The following SARM1 variants were observed in gnomAD, a reference collection of about 807,000 sequenced individuals.
The protein encoded by SARM1 is NAD(+) hydrolase SARM1.
A neutral mutation model predicts 65.1 loss-of-function variants in SARM1; 60 were observed. The ratio of observed to expected loss-of-function variants is 0.92; its 90% CI spans 0.75 to 1.14. The LOEUF is 1.14. SARM1 is among the 50% of genes most tolerant of loss of function. The pLI is 0.00. For missense variants in SARM1, 913 were observed against 1,015.7 expected (o/e 0.90, Z 1.37); for synonymous variants, 417 against 465.4 (o/e 0.90, Z 1.34).
At chr17:28,389,897 G>A (rs782411036) in intron 7 of SARM1, among the ~76,000 whole-genome samples, 35 of 152,230 alleles carry the variant, frequency 2.3e-4, no homozygotes, top group Non-Finnish European at 4.7e-4. Flanking sequence ...CATACAAGTT[G>A]GTGTAAATGC....
At position 28,381,377 on chromosome 17, in the gene SARM1, C is replaced by T; in HGVS notation, c.645C>T (p.Cys215=). The change falls in exon 2 of 9, where the codon TGC becomes TGT. Residue 215 remains cysteine, a synonymous_variant. Coordinates refer to ENST00000585482, the MANE Select transcript of SARM1 (RefSeq NM_015077.4). The part of the protein sequence containing the change: ...AGGLDAVLYW[C]RRTDPALLRH... ...GCCTGGACGCGGTGCTGTATTGGTG[C>T]CGCCGCACGGACCCCGCGCTGCTGC... The T allele has an allele frequency of 6.4e-7, 1 of 1,565,352 alleles. No individual in the cohort carries two copies. The highest frequency in any genetic ancestry group is 8.7e-7 in the Non-Finnish European group (1 of 1,155,766).
At chr17:28,376,071 C>T (rs1162661062) in intron 1 of SARM1, among the ~76,000 whole-genome samples, 2 of 152,186 alleles carry the variant, frequency 1.3e-5, no homozygotes, top group African/African-American at 4.8e-5. Flanking sequence ...TCTCAGACCA[C>T]AGAAGAACTG....
At position 28,402,375 on chromosome 17, in the gene SARM1, A is replaced by G; in HGVS notation, c.*6089A>G. On this transcript the variant is annotated 3_prime_UTR_variant, in exon 9 of 9. Coordinates refer to ENST00000585482, the MANE Select transcript of SARM1 (RefSeq NM_015077.4). ...AATGGGGCTGGGGAGAGGGGCGTCC[A>G]AGGGAAAGGCAGCAGAGCTCCTATC... The G allele has an allele frequency of 2.0e-6, 3 of 1,496,534 alleles. No homozygotes were observed. Among genetic ancestry groups the G allele is most frequent in the Non-Finnish European group, 2.8e-6 (3 of 1,084,122 alleles). The allele number at this position is 1,496,534 out of a possible 1,614,324, so 92.7% of individuals were successfully genotyped here.
At chr17:28,377,707 T>C (rs907800479) in intron 1 of SARM1, among the ~76,000 whole-genome samples, 44 of 148,348 alleles carry the variant, frequency 3.0e-4, no homozygotes, top group African/African-American at 9.1e-4. Context: ...GGACATCACT[T>C]TTTTTTTTTA....
Position 28,372,182 on chromosome 17 carries a change from C to A in SARM1, c.150C>A (p.Pro50=). The change falls in exon 1 of 9, where the codon CCC becomes CCA. Residue 50 remains proline, a synonymous_variant. Coordinates refer to ENST00000585482, the MANE Select transcript of SARM1 (RefSeq NM_015077.4). The surrounding 1 kb of genome is among the most constrained non-coding windows in gnomAD (Gnocchi z 5.2). Reference sequence around the variant, plus strand: ...GGTGGGCTGCGGGTGGCCGCGGGCCCCGCGAAGTGTCGCCGGGGGCAGGCA... The same window carrying A: ...GGTGGGCTGCGGGTGGCCGCGGGCCACGCGAAGTGTCGCCGGGGGCAGGCA... ...GPWWAAGGRG[P]REVSPGAGTE... 1 of 1,362,802 alleles carries A rather than the reference C, an allele frequency of 7.3e-7. No homozygotes were observed. 84.4% of individuals were successfully genotyped at this position (1,362,802 alleles called of 1,614,324 possible). A position where few individuals can be genotyped will look rare whatever the true frequency, so the allele number is the denominator to read the frequency against.
chr17:28,400,800 G>A lies in SARM1; in HGVS notation c.*4514G>A, dbSNP rs781896384. The A allele has an allele frequency of 1.7e-5, 27 of 1,545,904 alleles. No individual in the cohort carries two copies. Among genetic ancestry groups the A allele is most frequent in the African/African-American group, 2.7e-5 (2 of 72,896 alleles). ...AAATAAATACCATACTCTGGAGTCC[G>A]AAAGGGCCATATTCCAACTCTGGCA... On this transcript the variant is annotated 3_prime_UTR_variant, in exon 9 of 9. Transcript: ENST00000585482.
At chr17:28,393,500 T>A (rs1555587209) in intron 7 of SARM1, among the ~76,000 whole-genome samples, 1 of 151,894 alleles carries the variant, frequency 6.6e-6, no homozygotes, top group Non-Finnish European at 1.5e-5. Flanking sequence ...GCAGTGAGCC[T>A]TGATGGTGCC....
intron 2 of SARM1, among the ~76,000 whole-genome samples, chr17:28,383,245 G>T (rs782106269): frequency 1.3e-5 from 2 of 152,064 alleles, no homozygotes; most frequent in Non-Finnish European, 2.9e-5. Context: ...ATGGTGGCAG[G>T]TGCCTGTAAT....
rs1483264767 is a variant in SARM1 at position 28,381,527 on chromosome 17, G to T, written c.795G>T (p.Leu265=). ...FPLAFSKEDE[L]LRLHACLAVA... ...TCGCCTTCTCCAAGGAGGACGAGCT[G>T]CTTCGGCTGCACGCCTGCCTCGCAG... Residue 265 remains leucine, a synonymous_variant, in exon 2 of 9, where the codon CTG becomes CTT. Transcript: ENST00000585482. 6.4e-7 allele frequency: 1 copy of T among 1,574,332 alleles called. No individual in the cohort carries two copies. The highest frequency in any genetic ancestry group is 8.6e-7 in the Non-Finnish European group (1 of 1,161,162).
chr17:28,399,477 G>C lies in SARM1; in HGVS notation c.*3191G>C, dbSNP rs1353053693. On this transcript the variant is annotated 3_prime_UTR_variant, in exon 9 of 9. Transcript: ENST00000585482. Reference sequence around the variant, plus strand: ...TTATGATTCTAGATCCTAGACAGAGGCTGGGTCAGCTGTGGATGGGGTGGT... The same window carrying C: ...TTATGATTCTAGATCCTAGACAGAGCCTGGGTCAGCTGTGGATGGGGTGGT... The C allele has an allele frequency of 4.8e-6, 3 of 627,484 alleles. No homozygotes were observed. The highest frequency in any genetic ancestry group is 3.7e-5 in the African/African-American group (2 of 54,468). The allele number at this position is 627,484 out of a possible 1,614,324, so 38.9% of individuals were successfully genotyped here.
In SARM1 at chr17:28,400,584, AGCATGG is replaced by A; in HGVS notation, c.*4300_*4305del. 6.2e-7 allele frequency: 1 copy of A among 1,612,980 alleles called. No individual in the cohort carries two copies. The highest frequency in any genetic ancestry group is 8.5e-7 in the Non-Finnish European group (1 of 1,179,452). Reference sequence around the variant, plus strand: ...TTTTAAGAGAAAGGGCTCCATTATGAGCATGGGTTCAGGGCCCTGCATTACCCAATC... The same window carrying A: ...TTTTAAGAGAAAGGGCTCCATTATGAGTTCAGGGCCCTGCATTACCCAATC... On this transcript the variant is annotated 3_prime_UTR_variant, in exon 9 of 9. Coordinates refer to ENST00000585482, the MANE Select transcript of SARM1 (RefSeq NM_015077.4).
chr17:28,388,730 C>G (rs1484315539), intron 7 of SARM1, among the ~76,000 whole-genome samples, 191 bp downstream of exon 7: 1 of 151,588 alleles, frequency 6.6e-6, no homozygotes, highest in Non-Finnish European at 1.5e-5. Flanking sequence ...GGACAAGAGA[C>G]TAGGCTTTGG....
rs532678687 is a variant in SARM1, at chr17:28,397,508, C to T, written c.*1222C>T. 6.6e-6 allele frequency: 1 copy of T among 152,314 alleles called. No homozygotes were observed. The highest frequency in any genetic ancestry group is 1.9e-4 in the East Asian group (1 of 5,190). The allele number at this position is 152,314 out of a possible 1,614,324, so 9.4% of individuals were successfully genotyped here. On this transcript the variant is annotated 3_prime_UTR_variant, in exon 9 of 9. Coordinates refer to ENST00000585482, the MANE Select transcript of SARM1 (RefSeq NM_015077.4). ...CATTTTACAGATAATGACACTGAGG[C>T]TCAGAAAGGTTGAGGATAAGCCCAC...
chr17:28,399,793 C>G lies in SARM1; in HGVS notation c.*3507C>G. On this transcript the variant is annotated 3_prime_UTR_variant, in exon 9 of 9. Transcript: ENST00000585482. ...GTCTGGAGAAGTGACACAGGATTTA[C>G]TGGGGTGGGCTGGTCCAGGTAGCTC... is the stretch of plus-strand genomic sequence containing the variant. 2 of 1,461,074 alleles carry G rather than the reference C, an allele frequency of 1.4e-6. No individual in the cohort carries two copies. Among genetic ancestry groups the G allele is most frequent in the East Asian group, 2.3e-5 (1 of 43,986 alleles). The allele number at this position is 1,461,074 out of a possible 1,614,324, so 90.5% of individuals were successfully genotyped here.
In SARM1 at chr17:28,384,778, TGTGCTCGAG is replaced by T; in HGVS notation, c.1303-58_1303-50del. The T allele has an allele frequency of 6.9e-7, 1 of 1,450,226 alleles. No individual in the cohort carries two copies. The allele number at this position is 1,450,226 out of a possible 1,614,324, so 89.8% of individuals were successfully genotyped here. ...ATCTCCAGTTCCTTCCCTTGCATCT[TGTGCTCGAG>T]GTCCAAGGGCGGAGTAGCGAAGCCC... On this transcript the variant is annotated intron_variant, in intron 3 of 8. Transcript: ENST00000585482. The surrounding 1 kb of genome is among the most constrained non-coding windows in gnomAD (Gnocchi z 4.4).
In SARM1 at chr17:28,400,573, G is replaced by A. The variant is rs782344527; in HGVS notation, c.*4287G>A. 1.2e-5 allele frequency: 20 copies of A among 1,610,168 alleles called. No individual in the cohort carries two copies. In the African/African-American group the frequency reaches 2.5e-4, roughly 20 times the overall value. ...GAAGAGGAAACTTTTAAGAGAAAGG[G>A]CTCCATTATGAGCATGGGTTCAGGG... On this transcript the variant is annotated 3_prime_UTR_variant, in exon 9 of 9. Transcript: ENST00000585482.
rs1225331114 is a variant in SARM1, at chr17:28,372,201, G to T, written c.169G>T (p.Ala57Ser). The change falls in exon 1 of 9, where the codon GCA becomes TCA. Residue 57 changes from alanine to serine, a missense_variant. By Grantham distance (99) the Ala-to-Ser change is moderately conservative. Around this residue, in one of 3 missense-constraint regions of SARM1, gnomAD observed 862 missense variants for 952.1 expected, o/e 0.91. Coordinates refer to ENST00000585482, the MANE Select transcript of SARM1 (RefSeq NM_015077.4). The surrounding 1 kb of genome is among the most constrained non-coding windows in gnomAD (Gnocchi z 5.2). ...GRGPREVSPGAGTEVQDALER... is the reference protein window; with the variant it reads ...GRGPREVSPGSGTEVQDALER... ...CGGGCCCCGCGAAGTGTCGCCGGGGGCAGGCACCGAGGTGCAGGACGCCCT... is the reference window on the plus strand; with the variant it reads ...CGGGCCCCGCGAAGTGTCGCCGGGGTCAGGCACCGAGGTGCAGGACGCCCT... 8.7e-6 allele frequency: 12 copies of T among 1,371,744 alleles called. No individual in the cohort carries two copies. The East Asian group carries it at 9.2e-5, about 11-fold the overall frequency. 85.0% of individuals were successfully genotyped at this position (1,371,744 alleles called of 1,614,324 possible).
intron 7 of SARM1, chr17:28,395,634 A>T: frequency 2.7e-6 from 1 of 371,560 alleles, no homozygotes; most frequent in African/African-American, 2.0e-5. Flanking sequence ...CCGGGCCCCC[A>T]GTGGGGAATC....
In SARM1 at chr17:28,396,032, C is replaced by A. The variant is rs782251734; in HGVS notation, c.2045+6C>A. 1.9e-6 allele frequency: 3 copies of A among 1,613,860 alleles called. No homozygotes were observed. Among genetic ancestry groups the A allele is most frequent in the Non-Finnish European group, 1.7e-6 (2 of 1,179,852 alleles). The stretch of plus-strand genomic sequence containing the variant: ...CTTACTTTCAACGGTATCAAGTGAG[C>A]CCCAGGGCCCTGGGACCAGGGGGGT... On this transcript the variant is annotated splice_donor_region_variant and intron_variant, in intron 8 of 8. Transcript: ENST00000585482.
Sources: allele counts gnomAD v4.1 joint callset (sites outside exome capture counted in the v4.1 genomes callset), GRCh38; gene constraint gnomAD v4.1.1; regional missense constraint gnomAD v4.1.1; non-coding constraint Gnocchi (gnomAD v3.1); transcripts MANE v1.5; gene names NCBI Gene and HGNC (gene_info 2026-07-23, HGNC 2026-07-21).